SNTG1: variants seen among roughly 807,000 people sequenced by gnomAD.
SNTG1 encodes the protein syntrophin gamma 1.
SNTG1 carries 39 observed loss-of-function variants against 74.7 expected under a neutral mutation model. The ratio of observed to expected loss-of-function variants is 0.52; its 90% CI spans 0.40 to 0.68. The LOEUF is 0.68. Among genes scored for constraint, SNTG1 ranks in the 30% least tolerant of loss-of-function variants. SNTG1 has a pLI of 0.00. For missense variants in SNTG1, 685 were observed against 609.5 expected (o/e 1.12, Z -1.30); for synonymous variants, 254 against 217.1 (o/e 1.17, Z -1.49).
chr8:50,752,789 T>C (rs1306914997), intron 18 of SNTG1, among the ~76,000 whole-genome samples: 1 of 152,014 alleles, frequency 6.6e-6, no homozygotes, highest in Non-Finnish European at 1.5e-5. Flanking sequence ...ATGATATTTT[T>C]GGCAAAGTAT....
intron 12 of SNTG1, among the ~76,000 whole-genome samples, chr8:50,570,276 A>ATTTTATTTTATTTTG (rs796738437): frequency 0.013 from 507 of 40,110 alleles, 8 homozygotes; most frequent in Middle Eastern, 0.062. Flanking sequence ...ATTTTATTTT[A>ATTTTATTTTATTTTG]TAGATGGAGT....
At chr8:50,657,169 T>G (rs1400902991) in intron 14 of SNTG1, 144 bp downstream of exon 14, 1 of 434,128 alleles carries the variant, frequency 2.3e-6, no homozygotes, top group African/African-American at 2.1e-5. Context: ...CTGATTTAAC[T>G]TACTAAAATA....
At chr8:50,374,966 AGTGAAGGTGTAAT>A (rs1300763023) in intron 2 of SNTG1, among the ~76,000 whole-genome samples, 1 of 152,190 alleles carries the variant, frequency 6.6e-6, no homozygotes, top group Non-Finnish European at 1.5e-5. Flanking sequence ...AAAATTAAAA[AGTGAAGGTGTAAT>A]GTGTCCTGGA....
chr8:49,967,552 A>C (rs1472000022), intron 1 of SNTG1, among the ~76,000 whole-genome samples: 1 of 151,358 alleles, frequency 6.6e-6, no homozygotes, highest in African/African-American at 2.4e-5. Context: ...ATTTATTATA[A>C]TATATAAACT....
chr8:50,410,781 G>T (rs2092938355), intron 4 of SNTG1, among the ~76,000 whole-genome samples: 1 of 152,056 alleles, frequency 6.6e-6, no homozygotes, highest in Admixed American at 6.6e-5. Flanking sequence ...TTCTGTGCCT[G>T]ACTTATTTCA....
rs143804155 is a variant in SNTG1, at chr8:50,064,627, T to C, written c.-102-107934T>C. Among the ~76,000 whole-genome samples, 122 of 152,316 alleles carry C rather than the reference T, an allele frequency of 8.0e-4. 1 individual carries two copies. Among genetic ancestry groups the C allele is most frequent in the African/African-American group, 2.8e-3 (115 of 41,578 alleles). ...TGTGTGGTCATCCACAATCTGGCCCTGCCTACACCTCCAACCTCATTTCTC... is the reference window on the plus strand; with the variant it reads ...TGTGTGGTCATCCACAATCTGGCCCCGCCTACACCTCCAACCTCATTTCTC... On this transcript the variant is annotated intron_variant, in intron 1 of 18. Coordinates refer to ENST00000642720, the MANE Select transcript of SNTG1 (RefSeq NM_018967.5).
At position 50,450,599 on chromosome 8, in the gene SNTG1, G is replaced by C; in HGVS notation, c.321G>C (p.Gln107His). The C allele has an allele frequency of 6.2e-7, 1 of 1,613,360 alleles. No homozygotes were observed. Among genetic ancestry groups the C allele is most frequent in the East Asian group, 2.2e-5 (1 of 44,732 alleles). ...TTTTTATTGGAGATGCAATTCTACA[G>C]GTATACATTTTATCACTATATGTGT... ...GLLFIGDAILQINGINVRKCR... is the reference protein window; with the variant it reads ...GLLFIGDAILHINGINVRKCR... Residue 107 changes from glutamine (Q) to histidine (H), a missense_variant and splice_region_variant, in exon 7 of 19, where the codon CAG (glutamine) becomes CAC (histidine). Coordinates refer to ENST00000642720, the MANE Select transcript of SNTG1 (RefSeq NM_018967.5).
chr8:49,938,603 T>TTTTCTTTCTTTTCTTTCTTTCTTTCTTTC (rs1808366361), intron 1 of SNTG1, among the ~76,000 whole-genome samples: 11 of 74,754 alleles, frequency 1.5e-4, no homozygotes, highest in African/African-American at 3.2e-4. Context: ...TTTTCTTTTC[T>TTTTCTTTCTTTTCTTTCTTTCTTTCTTTC]TTTCTTTCTT....
chr8:50,551,208 T>C (rs2094423975), intron 11 of SNTG1, among the ~76,000 whole-genome samples: 1 of 152,090 alleles, frequency 6.6e-6, no homozygotes, highest in Non-Finnish European at 1.5e-5. Context: ...CTATAAGAGG[T>C]CATATGTAAT....
chr8:50,370,822 A>G (rs2092250330), intron 2 of SNTG1, among the ~76,000 whole-genome samples: 1 of 152,088 alleles, frequency 6.6e-6, no homozygotes, highest in African/African-American at 2.4e-5. Flanking sequence ...TCTAATTTAT[A>G]CAAGCAGAAT....
At chr8:50,479,934 T>C (rs1395667016) in intron 8 of SNTG1, among the ~76,000 whole-genome samples, 1 of 152,130 alleles carries the variant, frequency 6.6e-6, no homozygotes, top group Non-Finnish European at 1.5e-5. Flanking sequence ...CTTGAAGAGG[T>C]TCAGTAAATG....
At chr8:50,239,817 G>A (rs1047307796) in intron 2 of SNTG1, among the ~76,000 whole-genome samples, 13 of 152,106 alleles carry the variant, frequency 8.5e-5, no homozygotes, top group African/African-American at 2.7e-4. Flanking sequence ...TTTATTTCAG[G>A]GATCAGGGGA....
At chr8:50,710,283 T>G (rs578075956) in intron 17 of SNTG1, among the ~76,000 whole-genome samples, 1 of 152,310 alleles carries the variant, frequency 6.6e-6, no homozygotes, top group South Asian at 2.1e-4. Context: ...TGCCAATGAC[T>G]CTTGAAAACT....
chr8:50,594,133 T>C (rs2094711207), intron 13 of SNTG1, among the ~76,000 whole-genome samples: 1 of 152,214 alleles, frequency 6.6e-6, no homozygotes, highest in South Asian at 2.1e-4. Context: ...CAGGGATAAC[T>C]GAATGGAAGT....
At chr8:50,403,913 T>G (rs541463796) in intron 4 of SNTG1, among the ~76,000 whole-genome samples, 1 of 152,178 alleles carries the variant, frequency 6.6e-6, no homozygotes, top group Non-Finnish European at 1.5e-5. Flanking sequence ...GATAATACCT[T>G]GCTTAATAAT....
At chr8:50,683,290 T>C (rs1454850552) in intron 15 of SNTG1, among the ~76,000 whole-genome samples, 1 of 152,184 alleles carries the variant, frequency 6.6e-6, no homozygotes, top group Non-Finnish European at 1.5e-5. Context: ...AAGTTATTTG[T>C]ATTTGCTTAA....
intron 9 of SNTG1, among the ~76,000 whole-genome samples, chr8:50,521,120 T>A (rs1411420478): frequency 6.6e-6 from 1 of 151,994 alleles, no homozygotes; most frequent in Non-Finnish European, 1.5e-5. Context: ...TTCTTTGCAG[T>A]GACATGGATG....
At chr8:50,602,098 G>A (rs1020327315) in intron 13 of SNTG1, among the ~76,000 whole-genome samples, 6 of 151,774 alleles carry the variant, frequency 4.0e-5, no homozygotes, top group Non-Finnish European at 7.4e-5. Flanking sequence ...TGATTGAGAG[G>A]TTAGTCTATT....
Position 50,530,186 on chromosome 8 carries a change from G to T in SNTG1, c.476G>T (p.Ser159Ile). Residue 159 changes from serine to isoleucine, a missense_variant, in exon 10 of 19, where the codon AGT becomes ATT. Coordinates refer to ENST00000642720, the MANE Select transcript of SNTG1 (RefSeq NM_018967.5). ...ATTTTGTCTCCTGCAGGTGCTCCAA[G>T]TGACCAGAGCAGTGGCACCTCCTCT... ...PLNEDCACAP[S>I]DQSSGTSSPL... 1 of 1,613,716 alleles carries T rather than the reference G, an allele frequency of 6.2e-7. No individual in the cohort carries two copies. The highest frequency in any genetic ancestry group is 8.5e-7 in the Non-Finnish European group (1 of 1,179,730).
Sources: gnomAD v4.1 joint callset for allele counts (sites outside exome capture counted in the v4.1 genomes callset) on GRCh38, gnomAD v4.1.1 for gene constraint, MANE v1.5 for transcripts, NCBI Gene and HGNC (gene_info 2026-07-23, HGNC 2026-07-21) for gene names.